The following PLA2G4F variants were observed in gnomAD, a reference collection of about 807,000 sequenced individuals.
The protein encoded by PLA2G4F is phospholipase A2 group IVF.
A neutral mutation model predicts 103.1 loss-of-function variants in PLA2G4F; 105 were observed. The ratio of observed to expected loss-of-function variants is 1.02; its 90% CI spans 0.87 to 1.20. The LOEUF (loss-of-function observed/expected upper bound fraction) is 1.20. Among genes scored for constraint, PLA2G4F ranks in the 50% most tolerant of loss-of-function variants. The pLI is 0.00. For synonymous variants in PLA2G4F, 468 were observed against 441.1 expected (o/e 1.06, Z -0.76); for missense variants, 1,155 against 1,075.9 (o/e 1.07, Z -1.03).
In PLA2G4F at chr15:42,144,467, T is replaced by C; in HGVS notation, c.1958A>G (p.Glu653Gly). ...GCACCCACCTTTCCAGGCCACGAAC[T>C]CCCTGCCAGCCACATAGTCCTTGTG... ...CLHKDYVAGREFVAWKDTHPD... is the reference protein window; with the variant it reads ...CLHKDYVAGRGFVAWKDTHPD... Residue 653 changes from glutamate (E) to glycine (G), a missense_variant, in exon 17 of 20, where the codon GAG (glutamate) becomes GGG (glycine). Coordinates refer to ENST00000397272, the MANE Select transcript of PLA2G4F (RefSeq NM_213600.4). 1 of 1,612,014 alleles carries C rather than the reference T, an allele frequency of 6.2e-7. No individual in the cohort carries two copies.
chr15:42,146,879 C>T (rs529569846), intron 13 of PLA2G4F: 7 of 477,880 alleles, frequency 1.5e-5, no homozygotes, highest in East Asian at 6.9e-5. Flanking sequence ...AAAGCTGCGC[C>T]GGTGATTCTA....
At chr15:42,144,749 A>G (rs2048864223) in intron 16 of PLA2G4F, 105 bp from the exon 17 acceptor site, 2 of 1,182,746 alleles carry the variant, frequency 1.7e-6, no homozygotes, top group Middle Eastern at 2.4e-4. Context: ...AGCCCTCCCC[A>G]CATCCCTCCT....
At chr15:42,150,532 A>G (rs1235163928) in intron 8 of PLA2G4F, 46 bp from the exon 9 acceptor site, 1 of 1,600,150 alleles carries the variant, frequency 6.2e-7, no homozygotes, top group East Asian at 2.2e-5. Flanking sequence ...AGGGAAGAAA[A>G]GTCTCCCCCA....
In PLA2G4F at chr15:42,147,192, G is replaced by C. The variant is rs770482481; in HGVS notation, c.1351C>G (p.Arg451Gly). ...YYTQELGVRE[R>G]SGHSVSLIDL... ...ATGAGGGACACGCTGTGGCCACTGC[G>C]CTCCCGGACCCCCAGTTCCTGAGTG... The change falls in exon 13 of 20, where the codon CGC (arginine) becomes GGC (glycine). Residue 451 changes from arginine (R) to glycine (G), a missense_variant. Transcript: ENST00000397272. 1 of 1,612,820 alleles carries C rather than the reference G, an allele frequency of 6.2e-7. No homozygotes were observed. The highest frequency in any genetic ancestry group is 1.3e-5 in the African/African-American group (1 of 74,986).
chr15:42,145,148 A>C (rs116146600), intron 16 of PLA2G4F, among the ~76,000 whole-genome samples: 3,438 of 152,298 alleles, frequency 0.023, 140 homozygotes, highest in African/African-American at 0.08. Flanking sequence ...TGGTGGTAAG[A>C]TTCTCAGGCA....
Position 42,151,073 on chromosome 15 carries a change from G to A in PLA2G4F, c.602-296C>T, listed in dbSNP as rs1251276654. Reference sequence around the variant, plus strand: ...GAGGGGCCCTGCCCAGAGCCTGTGGGGCTGATGATTTGAGATGATTCTATG... The same window carrying A: ...GAGGGGCCCTGCCCAGAGCCTGTGGAGCTGATGATTTGAGATGATTCTATG... On this transcript the variant is annotated intron_variant, in intron 7 of 19. Transcript: ENST00000397272. 9 of 985,264 alleles carry A rather than the reference G, an allele frequency of 9.1e-6. No homozygotes were observed. In the African/African-American group the frequency reaches 1.4e-4, roughly 15 times the overall value. The allele number at this position is 985,264 out of a possible 1,614,324, so 61.0% of individuals were successfully genotyped here.
At chr15:42,150,246 T>C (rs2048941814) in intron 9 of PLA2G4F, 105 bp from the exon 10 acceptor site, 3 of 1,564,064 alleles carry the variant, frequency 1.9e-6, no homozygotes, top group Non-Finnish European at 2.6e-6. Context: ...TCTGGCCCGA[T>C]GTGGACATCA....
intron 7 of PLA2G4F, chr15:42,151,369 G>A (rs2048960617): frequency 1.0e-6 from 1 of 985,096 alleles, no homozygotes; most frequent in African/African-American, 1.8e-5. Flanking sequence ...CAGGCTGGGA[G>A]GAGTGAGGGG....
At chr15:42,147,092 G>T (rs756637454) in intron 13 of PLA2G4F, 32 bp downstream of exon 13, 29 of 1,584,760 alleles carry the variant, frequency 1.8e-5, no homozygotes, top group Non-Finnish European at 2.5e-5. Flanking sequence ...GTGGAGAGGA[G>T]CCTACGTATT....
rs1466647978 is a variant in PLA2G4F, at chr15:42,140,188, T to C, written c.*1796A>G. 1 of 152,222 alleles carries C rather than the reference T, an allele frequency of 6.6e-6. No homozygotes were observed. Among genetic ancestry groups the C allele is most frequent in the Non-Finnish European group, 1.5e-5 (1 of 68,038 alleles). The allele number at this position is 152,222 out of a possible 1,614,324, so 9.4% of individuals were successfully genotyped here. On this transcript the variant is annotated 3_prime_UTR_variant, in exon 20 of 20. Transcript: ENST00000397272. The stretch of plus-strand genomic sequence containing the variant: ...TAGAATGTAGGTTCCCATTCATTTA[T>C]CAAATATTTACTGAGCACCTACCAT...
At position 42,144,049 on chromosome 15, in the gene PLA2G4F, G is replaced by A. The variant is rs749001605; in HGVS notation, c.2071C>T (p.Leu691=). 4 of 1,614,130 alleles carry A rather than the reference G, an allele frequency of 2.5e-6. No individual in the cohort carries two copies. Among genetic ancestry groups the A allele is most frequent in the South Asian group, 2.2e-5 (2 of 91,060 alleles). Residue 691 remains leucine (L), a synonymous_variant, in exon 18 of 20, where the codon CTG becomes TTG. Transcript: ENST00000397272. ...ACTGCTCTCTGAGGCAGCAGAGCCA[G>A]TGGGAACGGAGAGTTGATGGCAAAG... The part of the protein sequence containing the change: ...GGFAINSPFP[L]ALLPQRAVDL...
intron 1 of PLA2G4F, among the ~76,000 whole-genome samples, chr15:42,156,043 C>T (rs988735569): frequency 3.9e-5 from 6 of 152,106 alleles, no homozygotes; most frequent in Admixed American, 2.0e-4. Flanking sequence ...GAGCGGAAGC[C>T]GAGAGTCACC....
chr15:42,156,538 TGCCCAAAGCATGGCTGGGCAGCCCGG>T lies in PLA2G4F; in HGVS notation c.-15_11del. On this transcript the variant is annotated start_lost and 5_prime_UTR_variant, in exon 1 of 20. Coordinates refer to ENST00000397272, the MANE Select transcript of PLA2G4F (RefSeq NM_213600.4). ...TGTCTGCCAGCCACCTTGGCCAGAGTGCCCAAAGCATGGCTGGGCAGCCCGGGCCCCAGCAGGGAACCCTGCCTGCG... is the reference window on the plus strand; with the variant it reads ...TGTCTGCCAGCCACCTTGGCCAGAGTGCCCCAGCAGGGAACCCTGCCTGCG... 1.9e-6 allele frequency: 3 copies of T among 1,550,574 alleles called. No individual in the cohort carries two copies. The South Asian group carries it at 3.6e-5, about 18-fold the overall frequency.
chr15:42,153,969 G>A (rs758102126), intron 4 of PLA2G4F, 123 bp downstream of exon 4: 75 of 1,445,722 alleles, frequency 5.2e-5, no homozygotes, highest in Middle Eastern at 2.3e-4. Flanking sequence ...GGTCAGGGCT[G>A]CGGGGTGGAG....
chr15:42,142,770 G>A lies in PLA2G4F; in HGVS notation c.2143-56C>T, dbSNP rs146812454. On this transcript the variant is annotated intron_variant, in intron 18 of 19. Coordinates refer to ENST00000397272, the MANE Select transcript of PLA2G4F (RefSeq NM_213600.4). ...TTCCTCCACCCTGGCCACTCCCGCCGCCCTGGACTCACACACGCCCAGGCT... is the reference window on the plus strand; with the variant it reads ...TTCCTCCACCCTGGCCACTCCCGCCACCCTGGACTCACACACGCCCAGGCT... 4,679 of 1,571,752 alleles carry A rather than the reference G, an allele frequency of 3.0e-3. 37 individuals carry two copies. Among genetic ancestry groups the A allele is most frequent in the Middle Eastern group, 0.027 (157 of 5,824 alleles).
Position 42,154,211 on chromosome 15 carries a change from C to G in PLA2G4F, c.331G>C (p.Glu111Gln), listed in dbSNP as rs1180109556. 3 of 1,614,150 alleles carry G rather than the reference C, an allele frequency of 1.9e-6. No homozygotes were observed. Among genetic ancestry groups the G allele is most frequent in the Non-Finnish European group, 2.5e-6 (3 of 1,180,020 alleles). Residue 111 changes from glutamate to glutamine, a missense_variant, in exon 4 of 20, where the codon GAG (glutamate) becomes CAG (glutamine). Coordinates refer to ENST00000397272, the MANE Select transcript of PLA2G4F (RefSeq NM_213600.4). ...QIHGAVKNVL[E>Q]LTLYDKDILG... ...ATGTCCTTGTCATAGAGGGTGAGCT[C>G]CAGGACGTTCTGGGGACAAGGCAGG... is the stretch of plus-strand genomic sequence containing the variant.
In PLA2G4F at chr15:42,156,588, C is replaced by T. The variant is rs1178236367; in HGVS notation, c.-39G>A. 10 of 1,423,790 alleles carry T rather than the reference C, an allele frequency of 7.0e-6. No homozygotes were observed. Among genetic ancestry groups the T allele is most frequent in the Middle Eastern group, 1.9e-4 (1 of 5,230 alleles). 88.2% of individuals were successfully genotyped at this position (1,423,790 alleles called of 1,614,324 possible). A position where few individuals can be genotyped will look rare whatever the true frequency, so the allele number is the denominator to read the frequency against. On this transcript the variant is annotated 5_prime_UTR_variant, in exon 1 of 20. Transcript: ENST00000397272. The stretch of plus-strand genomic sequence containing the variant: ...GGGCCCCAGCAGGGAACCCTGCCTG[C>T]GCTCCTCTGGTTGCACAAACTGCTG...
In PLA2G4F at chr15:42,147,100, AT is replaced by A. The variant is rs761355596; in HGVS notation, c.1419+23del. ...GGAAGGAGTGGAGAGGAGCCTACGTATTTCCTTCTGGCTCTTCTCTCACCTC... is the reference window on the plus strand; with the variant it reads ...GGAAGGAGTGGAGAGGAGCCTACGTATTCCTTCTGGCTCTTCTCTCACCTC... On this transcript the variant is annotated intron_variant, in intron 13 of 19. Transcript: ENST00000397272. 6.9e-6 allele frequency: 11 copies of A among 1,599,690 alleles called. No individual in the cohort carries two copies. The Admixed American group carries it at 1.0e-4, about 15-fold the overall frequency.
Position 42,156,262 on chromosome 15 carries a change from G to A in PLA2G4F, c.111+177C>T, listed in dbSNP as rs575887694. Among the ~76,000 whole-genome samples, 10 of 152,270 alleles carry A rather than the reference G, an allele frequency of 6.6e-5. No homozygotes were observed. The South Asian group carries it at 8.3e-4, about 13-fold the overall frequency. ...TGAACTAACCCTCCATTTCCTAATC[G>A]GAGGGAGCTATTTTTAAGAGCCAAG... On this transcript the variant is annotated intron_variant, in intron 1 of 19. Transcript: ENST00000397272.
Sources: gnomAD v4.1 joint callset for allele counts (sites outside exome capture counted in the v4.1 genomes callset) on GRCh38, gnomAD v4.1.1 for gene constraint, MANE v1.5 for transcripts, NCBI Gene and HGNC (gene_info 2026-07-23, HGNC 2026-07-21) for gene names.